Variants in RFX4 observed in about 807,000 individuals in gnomAD.
RFX4 encodes the protein regulatory factor X4.
A neutral mutation model predicts 95.0 loss-of-function variants in RFX4; 10 were observed. The ratio of observed to expected loss-of-function variants is 0.11; its 90% CI spans 0.06 to 0.18. The LOEUF (loss-of-function observed/expected upper bound fraction) is 0.18, where lower values mean the gene tolerates loss of function less well. Among genes scored for constraint, RFX4 ranks in the 10% least tolerant of loss-of-function variants. The pLI is 1.00. For missense variants in RFX4, 640 were observed against 922.0 expected, an observed-to-expected ratio of 0.69 and a Z score of 3.96; for synonymous variants, 321 against 340.7, an observed-to-expected ratio of 0.94 and a Z score of 0.64.
chr12:106,610,761 G>A (rs1161760695), intron 2 of RFX4, among the ~76,000 whole-genome samples: 1 of 152,100 alleles, frequency 6.6e-6, no homozygotes, highest in African/African-American at 2.4e-5. Flanking sequence ...TGTAAATAAC[G>A]CTGTTTTGAA....
rs145922890 is a variant in RFX4 at position 106,732,333 on chromosome 12, T to A, written c.1471+84T>A. ...TCTGTGCTTTATGTTTCTTTAACTC[T>A]GTATCTCAAAGAATTTAGTTATGGT... On this transcript the variant is annotated intron_variant, in intron 14 of 17. Transcript: ENST00000392842. The A allele has an allele frequency of 3.2e-4, 491 of 1,541,154 alleles. 5 individuals carry two copies. The East Asian group carries it at 9.7e-3, about 30-fold the overall frequency.
intron 2 of RFX4, among the ~76,000 whole-genome samples, chr12:106,627,532 C>T (rs1044854118): frequency 3.3e-5 from 5 of 152,016 alleles, no homozygotes; most frequent in African/African-American, 9.7e-5. Context: ...AGTGAAACTC[C>T]GTCTCAGAAA....
At chr12:106,737,946 G>A (rs2042741784) in intron 15 of RFX4, among the ~76,000 whole-genome samples, 1 of 152,156 alleles carries the variant, frequency 6.6e-6, no homozygotes, top group Non-Finnish European at 1.5e-5. Flanking sequence ...TTTCCATAGT[G>A]GGTTGTTGTA....
chr12:106,732,387 A>T, intron 14 of RFX4, 138 bp downstream of exon 14: 1 of 1,261,016 alleles, frequency 7.9e-7, no homozygotes, highest in Non-Finnish European at 1.1e-6. Context: ...CAAACCAATC[A>T]TGTCTTTTTC....
chr12:106,601,158 C>A, intron 1 of RFX4: 2 of 1,477,952 alleles, frequency 1.4e-6, no homozygotes, highest in South Asian at 1.4e-5. Context: ...AACCCACTGA[C>A]CTGAGCCACC....
chr12:106,607,094 A>G (rs1163037239), intron 1 of RFX4, among the ~76,000 whole-genome samples: 2 of 152,202 alleles, frequency 1.3e-5, no homozygotes, highest in Non-Finnish European at 2.9e-5. Context: ...AATAAATACC[A>G]GCTCCCAGAT....
intron 4 of RFX4, among the ~76,000 whole-genome samples, chr12:106,669,655 C>T (rs557874437): frequency 4.6e-5 from 7 of 152,004 alleles, no homozygotes; most frequent in Non-Finnish European, 1.0e-4. Flanking sequence ...TGAGGGCACT[C>T]TTGAGGCATC....
At chr12:106,608,063 G>C (rs2039875013) in intron 1 of RFX4, among the ~76,000 whole-genome samples, 2 of 152,170 alleles carry the variant, frequency 1.3e-5, no homozygotes, top group Non-Finnish European at 2.9e-5. Flanking sequence ...CTTGGTGGCG[G>C]GTGCCTTCCC....
At chr12:106,747,992 C>T (rs1394842211) in intron 16 of RFX4, among the ~76,000 whole-genome samples, 1 of 151,566 alleles carries the variant, frequency 6.6e-6, no homozygotes, top group Non-Finnish European at 1.5e-5. Context: ...GCTATTTTCT[C>T]AAAGAACAGG....
chr12:106,718,714 T>C (rs1036126370), intron 11 of RFX4, among the ~76,000 whole-genome samples: 4 of 152,240 alleles, frequency 2.6e-5, no homozygotes, highest in Non-Finnish European at 5.9e-5. Flanking sequence ...GTTTGATTTA[T>C]TGATCTCTGC....
At chr12:106,637,779 T>C (rs746894492) in intron 2 of RFX4, among the ~76,000 whole-genome samples, 5 of 152,192 alleles carry the variant, frequency 3.3e-5, no homozygotes, top group Non-Finnish European at 5.9e-5. Context: ...ATTCAGATTG[T>C]GGTATTGCAG....
At chr12:106,752,532 C>T (rs2043028224) in intron 17 of RFX4, among the ~76,000 whole-genome samples, 1 of 152,112 alleles carries the variant, frequency 6.6e-6, no homozygotes, top group African/African-American at 2.4e-5. Flanking sequence ...TTTCGGGCAG[C>T]TACCCTCACC....
chr12:106,719,282 T>G (rs918623736), intron 11 of RFX4, among the ~76,000 whole-genome samples: 7 of 152,218 alleles, frequency 4.6e-5, no homozygotes, highest in Non-Finnish European at 1.0e-4. Flanking sequence ...AAGCACCTAC[T>G]ACATGCCACA....
rs962061535 is a variant in RFX4, at chr12:106,651,304, G to A, written c.192-2924G>A. The stretch of plus-strand genomic sequence containing the variant: ...TCCTATTTACTAGCTGCATGACTGG[G>A]CAAATGAGTTACACCCTCTGAGCCT... On this transcript the variant is annotated intron_variant, in intron 3 of 17. Transcript: ENST00000392842. Among the ~76,000 whole-genome samples, 4 of 152,236 alleles carry A rather than the reference G, an allele frequency of 2.6e-5. No individual in the cohort carries two copies. The East Asian group carries it at 7.7e-4, about 29-fold the overall frequency.
chr12:106,661,935 G>T (rs2041082629), intron 4 of RFX4, among the ~76,000 whole-genome samples: 1 of 151,950 alleles, frequency 6.6e-6, no homozygotes, highest in African/African-American at 2.4e-5. Flanking sequence ...ATTGTCTGGA[G>T]GTACCATGGT....
At chr12:106,689,087 A>G (rs1426419845) in intron 6 of RFX4, among the ~76,000 whole-genome samples, 200 bp from the exon 7 acceptor site, 1 of 152,176 alleles carries the variant, frequency 6.6e-6, no homozygotes, top group Non-Finnish European at 1.5e-5. Flanking sequence ...GTGCTGTGTG[A>G]GCACAGAGGA....
At chr12:106,584,914 A>G (rs571725874) in intron 1 of RFX4, among the ~76,000 whole-genome samples, 7 of 152,290 alleles carry the variant, frequency 4.6e-5, no homozygotes, top group African/African-American at 1.7e-4. Context: ...GGCAAGGAGA[A>G]GCGTCGCCTG....
chr12:106,639,547 C>T (rs887841137), intron 3 of RFX4, among the ~76,000 whole-genome samples, 155 bp downstream of exon 3: 4 of 152,176 alleles, frequency 2.6e-5, no homozygotes, highest in Non-Finnish European at 4.4e-5. Flanking sequence ...GTAAAATGCT[C>T]AACTAGCCTT....
intron 5 of RFX4, chr12:106,685,020 T>A: frequency 6.5e-7 from 1 of 1,547,894 alleles, no homozygotes; most frequent in Non-Finnish European, 8.7e-7. Context: ...CTGTATGATT[T>A]TGTGACTTTC....
Sources: allele counts gnomAD v4.1 joint callset (sites outside exome capture counted in the v4.1 genomes callset), GRCh38; gene constraint gnomAD v4.1.1; transcripts MANE v1.5; gene names NCBI Gene and HGNC (gene_info 2026-07-23, HGNC 2026-07-21).